The following TTC28 variants were observed in gnomAD, a reference collection of about 807,000 sequenced individuals.
TTC28 encodes tetratricopeptide repeat domain 28.
In TTC28, 61 loss-of-function variants were observed where a neutral mutation model predicts 198.0. That is an observed-to-expected ratio of 0.31 (90% confidence interval 0.25 to 0.38). The LOEUF (loss-of-function observed/expected upper bound fraction) is 0.38. TTC28 is among the 10% of genes least tolerant of loss of function. The pLI, the probability that TTC28 is intolerant of heterozygous loss-of-function variation, is 1.00. For missense variants in TTC28, 2,678 were observed against 3,164.0 expected (o/e 0.85, Z 3.69); for synonymous variants, 1,171 against 1,297.8 (o/e 0.90, Z 2.10).
intron 12 of TTC28, among the ~76,000 whole-genome samples, chr22:28,084,030 G>A (rs1425381315): frequency 1.3e-5 from 2 of 152,208 alleles, no homozygotes; most frequent in African/African-American, 2.4e-5. Flanking sequence ...AAACTGGGTG[G>A]AGCCCACCAC....
intron 14 of TTC28, chr22:28,006,629 A>G (rs556491421): frequency 6.6e-6 from 1 of 152,412 alleles, no homozygotes; most frequent in East Asian, 1.9e-4. Flanking sequence ...TCACGTCACC[A>G]TCGCTATCCT....
intron 14 of TTC28, 102 bp from the exon 15 acceptor site, chr22:28,001,655 G>A: frequency 7.3e-7 from 1 of 1,363,884 alleles, no homozygotes; most frequent in East Asian, 2.5e-5. Flanking sequence ...ACAAGCACGA[G>A]CAGGTGAGGC....
At chr22:28,659,605 A>G (rs2051710400) in intron 1 of TTC28, among the ~76,000 whole-genome samples, 1 of 151,946 alleles carries the variant, frequency 6.6e-6, no homozygotes, top group African/African-American at 2.4e-5. Context: ...TCCTGCTCAA[A>G]TAAAGAATAT....
chr22:28,064,356 C>T (rs1940670764), intron 12 of TTC28, among the ~76,000 whole-genome samples: 1 of 152,092 alleles, frequency 6.6e-6, no homozygotes. Flanking sequence ...CTCCAAATAA[C>T]CCTCTGGGCC....
At chr22:28,130,724 T>A (rs1461724492) in intron 6 of TTC28, among the ~76,000 whole-genome samples, 1 of 152,246 alleles carries the variant, frequency 6.6e-6, no homozygotes. Context: ...GCTGCATGAG[T>A]GGACTGGATC....
chr22:28,313,511 A>C lies in TTC28; in HGVS notation c.382-6868T>G, dbSNP rs532661980. ...CAGCAGCACATCAAAAAGCTTATCC[A>C]CAACAATCAAGACGGCTTCATCCCT... On this transcript the variant is annotated intron_variant, in intron 2 of 22. Transcript: ENST00000397906. Among the ~76,000 whole-genome samples, 134 of 152,336 alleles carry C rather than the reference A, an allele frequency of 8.8e-4. 1 individual carries two copies. The highest frequency in any genetic ancestry group is 3.1e-3 in the African/African-American group (127 of 41,576).
chr22:28,645,497 T>C (rs965230196), intron 1 of TTC28, among the ~76,000 whole-genome samples: 1 of 149,920 alleles, frequency 6.7e-6, no homozygotes, highest in Non-Finnish European at 1.5e-5. Context: ...CGTGGTGGCA[T>C]GCGCCTGTAG....
rs1239497517 is a variant in TTC28, at chr22:28,006,111, G to A, written c.4219-4558C>T. The stretch of plus-strand genomic sequence containing the variant: ...GGGGTCTGAGGGGAGGCCCTGTCAC[G>A]GAGTCTGGGTCAGCCTGCCAAGTCA... On this transcript the variant is annotated intron_variant, in intron 14 of 22. Coordinates refer to ENST00000397906, the MANE Select transcript of TTC28 (RefSeq NM_001145418.2). 7.9e-5 allele frequency among the ~76,000 whole-genome samples: 12 copies of A among 152,146 alleles called. No individual in the cohort carries two copies. In the East Asian group the frequency reaches 1.2e-3, roughly 15 times the overall value.
intron 12 of TTC28, among the ~76,000 whole-genome samples, chr22:28,044,477 G>A (rs1225501778): frequency 1.3e-5 from 2 of 151,918 alleles, no homozygotes; most frequent in Non-Finnish European, 2.9e-5. Flanking sequence ...ATACTTTAAA[G>A]GTTTTAGAGT....
At chr22:28,048,313 T>G (rs1390779635) in intron 12 of TTC28, among the ~76,000 whole-genome samples, 1 of 152,114 alleles carries the variant, frequency 6.6e-6, no homozygotes, top group Non-Finnish European at 1.5e-5. Flanking sequence ...AGGAGCAGAA[T>G]GCAGACAAAC....
Position 28,144,344 on chromosome 22 carries a change from A to G in TTC28, c.1441+18748T>C, listed in dbSNP as rs930374504. Reference sequence around the variant, plus strand: ...CTGAGAGAATCTCAGGAAGCCAACCATGGCTTTACCAGGCTTAATAGTGGA... The same window carrying G: ...CTGAGAGAATCTCAGGAAGCCAACCGTGGCTTTACCAGGCTTAATAGTGGA... On this transcript the variant is annotated intron_variant, in intron 6 of 22. Coordinates refer to ENST00000397906, the MANE Select transcript of TTC28 (RefSeq NM_001145418.2). Among the ~76,000 whole-genome samples the G allele has an allele frequency of 2.0e-5, 3 of 152,316 alleles. No homozygotes were observed. In the East Asian group the frequency reaches 5.8e-4, roughly 29 times the overall value.
intron 2 of TTC28, among the ~76,000 whole-genome samples, chr22:28,312,972 A>C (rs188815786): frequency 3.2e-4 from 48 of 152,328 alleles, no homozygotes; most frequent in African/African-American, 1.1e-3. Flanking sequence ...TAGCAAGAAA[A>C]ATAAACAAGA....
chr22:28,016,549 A>G (rs1398270542), intron 13 of TTC28, among the ~76,000 whole-genome samples: 1 of 152,160 alleles, frequency 6.6e-6, no homozygotes, highest in Non-Finnish European at 1.5e-5. Context: ...GATGGCCTGG[A>G]CTATGGGCTC....
At chr22:28,525,108 A>C (rs962886549) in intron 2 of TTC28, among the ~76,000 whole-genome samples, 2 of 152,184 alleles carry the variant, frequency 1.3e-5, no homozygotes, top group Admixed American at 6.5e-5. Flanking sequence ...ATCTATAACT[A>C]AAATGTGCCA....
intron 7 of TTC28, among the ~76,000 whole-genome samples, chr22:28,106,231 T>C (rs1429101042): frequency 6.6e-6 from 1 of 152,186 alleles, no homozygotes; most frequent in Non-Finnish European, 1.5e-5. Context: ...GTTTGACCCT[T>C]GCCCTTCCTC....
At chr22:28,052,278 G>A (rs1320487631) in intron 12 of TTC28, among the ~76,000 whole-genome samples, 1 of 152,202 alleles carries the variant, frequency 6.6e-6, no homozygotes, top group African/African-American at 2.4e-5. Flanking sequence ...AGCAATGACA[G>A]CAGTGCCATA....
intron 12 of TTC28, among the ~76,000 whole-genome samples, chr22:28,087,080 A>G (rs373002844): frequency 1.3e-5 from 2 of 152,126 alleles, no homozygotes; most frequent in East Asian, 1.9e-4. Flanking sequence ...TCTACCAGAG[A>G]TACAAGGAGG....
chr22:28,229,738 C>A (rs1425154943), intron 5 of TTC28, among the ~76,000 whole-genome samples: 1 of 152,076 alleles, frequency 6.6e-6, no homozygotes, highest in African/African-American at 2.4e-5. Context: ...AGTCATCCAG[C>A]ATTCAGAGTA....
chr22:28,358,211 A>C (rs1274386731), intron 2 of TTC28, among the ~76,000 whole-genome samples: 1 of 152,218 alleles, frequency 6.6e-6, no homozygotes, highest in Non-Finnish European at 1.5e-5. Context: ...TGCATGTGTT[A>C]CAACCATCCA....
Sources: allele counts gnomAD v4.1 joint callset (sites outside exome capture counted in the v4.1 genomes callset), GRCh38; gene constraint gnomAD v4.1.1; transcripts MANE v1.5; gene names NCBI Gene and HGNC (gene_info 2026-07-23, HGNC 2026-07-21).